The following CDH13 variants were observed in gnomAD, a reference collection of about 807,000 sequenced individuals.
CDH13 encodes the protein cadherin 13, also known as cadherin-13.
CDH13 carries 24 observed loss-of-function variants against 63.8 expected under a neutral mutation model. The observed-to-expected ratio is 0.38, with a 90% confidence interval of 0.27 to 0.53. The LOEUF is 0.53. Among genes scored for constraint, CDH13 ranks in the 20% least tolerant of loss-of-function variants. The pLI is 0.85. For missense variants in CDH13, 1,049 were observed against 903.1 expected, an observed-to-expected ratio of 1.16 and a Z score of -2.07; for synonymous variants, 503 against 355.3, an observed-to-expected ratio of 1.42 and a Z score of -4.67.
intron 1 of CDH13, among the ~76,000 whole-genome samples, chr16:82,664,939 C>T (rs1418731119): frequency 2.6e-5 from 4 of 152,094 alleles, no homozygotes. Context: ...AATTGATTCT[C>T]ATTATTCATG....
At chr16:83,017,258 C>T (rs939196981) in intron 2 of CDH13, among the ~76,000 whole-genome samples, 1 of 152,162 alleles carries the variant, frequency 6.6e-6, no homozygotes, top group Non-Finnish European at 1.5e-5. Context: ...CTGGCATCTG[C>T]TGTCTGGATT....
chr16:82,988,449 A>G (rs919703998), intron 2 of CDH13, among the ~76,000 whole-genome samples: 1 of 152,106 alleles, frequency 6.6e-6, no homozygotes, highest in Non-Finnish European at 1.5e-5. Context: ...AGCTTCTAGA[A>G]GAGCTGAAAA....
At chr16:83,194,212 C>T (rs183155399) in intron 4 of CDH13, among the ~76,000 whole-genome samples, 37 of 152,344 alleles carry the variant, frequency 2.4e-4, no homozygotes. Context: ...TTGCTAGGTA[C>T]ACATAGGGAC....
intron 2 of CDH13, among the ~76,000 whole-genome samples, chr16:82,976,732 C>T (rs1465060107): frequency 6.6e-6 from 1 of 152,168 alleles, no homozygotes; most frequent in Non-Finnish European, 1.5e-5. Context: ...ACTCCCAAAA[C>T]CAAGCACAGT....
intron 11 of CDH13, among the ~76,000 whole-genome samples, chr16:83,751,656 T>A (rs764768422): frequency 1.3e-5 from 2 of 152,194 alleles, no homozygotes; most frequent in Non-Finnish European, 2.9e-5. Context: ...GGTATCTTAG[T>A]TGATGGGGTC....
chr16:82,841,503 G>A (rs1199351091), intron 1 of CDH13, among the ~76,000 whole-genome samples: 2 of 152,280 alleles, frequency 1.3e-5, no homozygotes, highest in East Asian at 1.9e-4. Context: ...CTGATCATTT[G>A]AGCTAGGACT....
chr16:82,828,452 A>C (rs2151108515), intron 1 of CDH13, among the ~76,000 whole-genome samples: 1 of 152,140 alleles, frequency 6.6e-6, no homozygotes, highest in East Asian at 1.9e-4. Flanking sequence ...ACCCCAATTC[A>C]CTAAAAATAG....
chr16:83,197,375 C>A (rs374774548), intron 4 of CDH13, among the ~76,000 whole-genome samples: 1 of 151,944 alleles, frequency 6.6e-6, no homozygotes, highest in Non-Finnish European at 1.5e-5. Flanking sequence ...AGCATTTATC[C>A]TTTGTGGTGC....
At chr16:83,537,039 G>A (rs1004196028) in intron 7 of CDH13, among the ~76,000 whole-genome samples, 1 of 152,160 alleles carries the variant, frequency 6.6e-6, no homozygotes. Context: ...TTTTAAGGAC[G>A]TACAAACATT....
In CDH13 at chr16:83,490,043, A is replaced by ACT. The variant is rs1401986480; in HGVS notation, c.960+3389_960+3390insTC. Reference sequence around the variant, plus strand: ...CACACACACACACACACACACACACACACACAGCTCACCAGCACCTCTGGC... The same window carrying ACT: ...CACACACACACACACACACACACACACTCACACAGCTCACCAGCACCTCTGGC... On this transcript the variant is annotated intron_variant, in intron 7 of 13. Transcript: ENST00000567109. Among the ~76,000 whole-genome samples the ACT allele has an allele frequency of 8.3e-3, 1,239 of 149,494 alleles. 18 individuals are homozygous for ACT. Among genetic ancestry groups the ACT allele is most frequent in the African/African-American group, 0.029 (1,164 of 39,610 alleles).
intron 7 of CDH13, among the ~76,000 whole-genome samples, chr16:83,580,906 G>A (rs1447115134): frequency 6.6e-6 from 1 of 152,160 alleles, no homozygotes; most frequent in Admixed American, 6.5e-5. Flanking sequence ...TGTTTGGTTG[G>A]TTGCTGAGCA....
intron 7 of CDH13, among the ~76,000 whole-genome samples, chr16:83,576,861 G>A (rs1905119924): frequency 6.6e-6 from 1 of 152,202 alleles, no homozygotes; most frequent in African/African-American, 2.4e-5. Context: ...ATGTTGTAGA[G>A]TTATAAATGT....
intron 1 of CDH13, among the ~76,000 whole-genome samples, chr16:82,703,128 A>G (rs1286014366): frequency 3.3e-5 from 5 of 152,100 alleles, no homozygotes; most frequent in Non-Finnish European, 7.4e-5. Context: ...AACCACTTAT[A>G]TATTCAGATA....
chr16:82,972,600 C>T (rs928171382), intron 2 of CDH13, among the ~76,000 whole-genome samples: 19 of 152,234 alleles, frequency 1.2e-4, no homozygotes, highest in Middle Eastern at 3.4e-3. Context: ...GTAGCTGGGA[C>T]GGAAAATGCA....
At chr16:82,627,171 C>T in intron 1 of CDH13, 34 bp downstream of exon 1, 3 of 1,573,790 alleles carry the variant, frequency 1.9e-6, no homozygotes, top group Non-Finnish European at 2.6e-6. Context: ...GCGCTCTGCG[C>T]CCCGTTTCTG....
Position 82,644,247 on chromosome 16 carries a change from G to C in CDH13, c.45+17110G>C, listed in dbSNP as rs1319889866. 1.3e-5 allele frequency among the ~76,000 whole-genome samples: 2 copies of C among 152,118 alleles called. No individual in the cohort carries two copies. The highest frequency in any genetic ancestry group is 2.9e-5 in the Non-Finnish European group (2 of 68,034). On this transcript the variant is annotated intron_variant, in intron 1 of 13. Transcript: ENST00000567109. This position sits in a 1 kb window ranked among gnomAD's most constrained non-coding sequence, Gnocchi z 5.7. The stretch of plus-strand genomic sequence containing the variant: ...CCTAGTAATGAGAAGTCAATCTAAG[G>C]TCTAAGGCTGGGAAAGGAGCTCCCA...
intron 1 of CDH13, among the ~76,000 whole-genome samples, chr16:82,788,512 C>G (rs899235899): frequency 1.2e-4 from 18 of 152,238 alleles, no homozygotes; most frequent in Non-Finnish European, 2.9e-5. Context: ...GTCTTTAACT[C>G]TCAGCTTAGG....
At chr16:83,036,143 C>CTTTTTTTT (rs34375178) in intron 3 of CDH13, among the ~76,000 whole-genome samples, 1 of 90,830 alleles carries the variant, frequency 1.1e-5, no homozygotes, top group East Asian at 3.1e-4. Flanking sequence ...GAGCTCTCCT[C>CTTTTTTTT]TTTTTTTTTT....
At chr16:83,147,375 CCTTGCAT>C (rs1398906233) in intron 4 of CDH13, among the ~76,000 whole-genome samples, 3 of 152,168 alleles carry the variant, frequency 2.0e-5, no homozygotes, top group African/African-American at 7.2e-5. Context: ...CTGCCTGCAC[CCTTGCAT>C]CTCCTATCTG....
Sources: gnomAD v4.1 joint callset for allele counts (sites outside exome capture counted in the v4.1 genomes callset) on GRCh38, gnomAD v4.1.1 for gene constraint, Gnocchi (gnomAD v3.1) non-coding constraint, MANE v1.5 for transcripts, NCBI Gene and HGNC (gene_info 2026-07-23, HGNC 2026-07-21) for gene names.